The following CCKBR variants were observed in gnomAD, a reference collection of about 807,000 sequenced individuals.
The protein encoded by CCKBR is gastrin/cholecystokinin type B receptor.
Under a neutral mutation model 34.6 loss-of-function variants are expected in CCKBR, and 33 were observed. The ratio of observed to expected loss-of-function variants is 0.95; its 90% CI spans 0.72 to 1.27. CCKBR has a LOEUF of 1.27. CCKBR is among the 50% of genes most tolerant of loss of function. The pLI is 0.00. For missense variants in CCKBR, 652 were observed against 617.4 expected, an observed-to-expected ratio of 1.06 and a Z score of -0.59; for synonymous variants, 269 against 267.5, an observed-to-expected ratio of 1.01 and a Z score of -0.06.
In CCKBR at chr11:6,270,746, G is replaced by A; in HGVS notation, c.754G>A (p.Asp252Asn). 1 of 1,614,212 alleles carries A rather than the reference G, an allele frequency of 6.2e-7. No homozygotes were observed. Among genetic ancestry groups the A allele is most frequent in the Non-Finnish European group, 8.5e-7 (1 of 1,180,046 alleles). The change falls in exon 4 of 5, where the codon GAC becomes AAC. Residue 252 changes from aspartate (D) to asparagine (N), a missense_variant. Transcript: ENST00000334619. ...CGAGCTCTACTTAGGGCTTCGCTTT[G>A]ACGGCGACAGTGACAGCGACAGCCA... ...SRELYLGLRF[D>N]GDSDSDSQSR...
chr11:6,264,656 C>T (rs1848184431), intron 1 of CCKBR: 1 of 632,760 alleles, frequency 1.6e-6, no homozygotes, highest in South Asian at 1.8e-5. Flanking sequence ...ATCCTTCTAC[C>T]CATGCCTGTT....
At chr11:6,263,796 A>C (rs1015865493) in intron 1 of CCKBR, among the ~76,000 whole-genome samples, 1 of 152,184 alleles carries the variant, frequency 6.6e-6, no homozygotes, top group African/African-American at 2.4e-5. Flanking sequence ...AATTTAGTTA[A>C]CATGTTAACA....
At position 6,269,718 on chromosome 11, in the gene CCKBR, G is replaced by T; in HGVS notation, c.201G>T (p.Met67Ile). The change falls in exon 2 of 5, where the codon ATG (methionine) becomes ATT (isoleucine). Residue 67 changes from methionine (M) to isoleucine (I), a missense_variant. Transcript: ENST00000334619. Reference protein sequence around the residue: ...RITLYAVIFLMSVGGNMLIIV... With the variant: ...RITLYAVIFLISVGGNMLIIV... Reference sequence around the variant, plus strand: ...CTCTTTACGCAGTGATCTTCCTGATGAGCGTTGGAGGAAATATGCTCATCA... The same window carrying T: ...CTCTTTACGCAGTGATCTTCCTGATTAGCGTTGGAGGAAATATGCTCATCA... The T allele has an allele frequency of 6.2e-7, 1 of 1,614,096 alleles. No homozygotes were observed. The highest frequency in any genetic ancestry group is 1.1e-5 in the South Asian group (1 of 91,076).
At chr11:6,261,434 CAAAA>C (rs71056733) in intron 1 of CCKBR, among the ~76,000 whole-genome samples, 8 of 14,452 alleles carry the variant, frequency 5.5e-4, no homozygotes, top group South Asian at 3.9e-3. Flanking sequence ...TTCCTGTTGG[CAAAA>C]AAAAAAAAAA....
In CCKBR at chr11:6,270,335, C is replaced by T; in HGVS notation, c.651C>T (p.Thr217=). ...HRWPSARVRQ[T]WSVLLLLLLF... is the part of the protein sequence containing the mutation. ...GGCCCAGTGCGCGGGTCCGCCAGAC[C>T]TGGTGAGCTTGCCCATAAACTATCC... Residue 217 remains threonine, a splice_region_variant and synonymous_variant, in exon 3 of 5, where the codon ACC becomes ACT. Coordinates refer to ENST00000334619, the MANE Select transcript of CCKBR (RefSeq NM_176875.4). 6.2e-7 allele frequency: 1 copy of T among 1,610,368 alleles called. No homozygotes were observed. Among genetic ancestry groups the T allele is most frequent in the Non-Finnish European group, 8.5e-7 (1 of 1,178,092 alleles).
At chr11:6,270,456 G>T (rs1198320004) in intron 3 of CCKBR, 119 bp downstream of exon 3, 6 of 1,431,198 alleles carry the variant, frequency 4.2e-6, no homozygotes, top group African/African-American at 2.8e-5. Flanking sequence ...CTCCTATTCT[G>T]CATCCACCAC....
In CCKBR at chr11:6,260,070, G is replaced by A. The variant is rs150275352; in HGVS notation, c.142G>A (p.Gly48Arg). The A allele has an allele frequency of 3.0e-5, 48 of 1,592,578 alleles. No individual in the cohort carries two copies. The highest frequency in any genetic ancestry group is 3.7e-5 in the Non-Finnish European group (43 of 1,172,820). Residue 48 changes from glycine (G) to arginine (R), a missense_variant, in exon 1 of 5, where the codon GGG becomes AGG. Transcript: ENST00000334619. ...CGAGCCCCCTCGCATTCGCGGAGCC[G>A]GGACACGAGGTGGGTGCCTCCCTCA... Reference protein sequence around the residue: ...SCEPPRIRGAGTRELELAIRI... With the variant: ...SCEPPRIRGARTRELELAIRI...
chr11:6,271,360 C>G lies in CCKBR; in HGVS notation c.1161C>G (p.Pro387=). The stretch of plus-strand genomic sequence containing the variant: ...GCTACGCCTCGGCCTGTGTCAACCC[C>G]CTGGTCTACTGCTTCATGCACCGTC... ...LLSYASACVN[P]LVYCFMHRRF... is the part of the protein sequence containing the mutation. The change falls in exon 5 of 5, where the codon CCC becomes CCG. Residue 387 remains proline, a synonymous_variant. Coordinates refer to ENST00000334619, the MANE Select transcript of CCKBR (RefSeq NM_176875.4). The G allele has an allele frequency of 6.2e-7, 1 of 1,614,222 alleles. No homozygotes were observed. The highest frequency in any genetic ancestry group is 8.5e-7 in the Non-Finnish European group (1 of 1,180,038).
intron 1 of CCKBR, among the ~76,000 whole-genome samples, chr11:6,266,246 C>T (rs1848207395): frequency 6.6e-6 from 1 of 152,186 alleles, no homozygotes; most frequent in South Asian, 2.1e-4. Context: ...AATCCCAGCA[C>T]TTTGGGAGGC....
chr11:6,267,045 C>A (rs913456987), intron 1 of CCKBR, among the ~76,000 whole-genome samples: 2 of 152,292 alleles, frequency 1.3e-5, no homozygotes, highest in Non-Finnish European at 2.9e-5. Flanking sequence ...CTGTATAGGG[C>A]ACGTACCGTT....
intron 1 of CCKBR, among the ~76,000 whole-genome samples, chr11:6,263,647 T>C (rs1292716370): frequency 6.6e-6 from 1 of 152,160 alleles, no homozygotes; most frequent in Non-Finnish European, 1.5e-5. Context: ...ATTTTTTGTA[T>C]TTTTTGTAGA....
At chr11:6,263,717 C>G (rs1028036931) in intron 1 of CCKBR, among the ~76,000 whole-genome samples, 2 of 152,102 alleles carry the variant, frequency 1.3e-5, no homozygotes, top group African/African-American at 4.8e-5. Flanking sequence ...AGAGATCTGC[C>G]CACCTCAGCC....
In CCKBR at chr11:6,259,860, T is replaced by G; in HGVS notation, c.-69T>G. On this transcript the variant is annotated 5_prime_UTR_variant, in exon 1 of 5. Coordinates refer to ENST00000334619, the MANE Select transcript of CCKBR (RefSeq NM_176875.4). The stretch of plus-strand genomic sequence containing the variant: ...GGGAGCCTGAGCCGGAATCGCAGCG[T>G]GAGCAGGTGGAGCCGCGTTGGGAGC... 5.5e-6 allele frequency: 7 copies of G among 1,281,952 alleles called. No homozygotes were observed. Among genetic ancestry groups the G allele is most frequent in the African/African-American group, 1.6e-5 (1 of 63,288 alleles). 79.4% of individuals were successfully genotyped at this position (1,281,952 alleles called of 1,614,324 possible).
chr11:6,265,436 CT>C (rs1359512446), intron 1 of CCKBR, among the ~76,000 whole-genome samples: 1 of 152,188 alleles, frequency 6.6e-6, no homozygotes. Flanking sequence ...GCTTTTCATG[CT>C]TCACAGTACT....
intron 1 of CCKBR, among the ~76,000 whole-genome samples, chr11:6,266,346 G>A (rs900012946): frequency 1.4e-4 from 21 of 152,104 alleles, no homozygotes; most frequent in African/African-American, 2.2e-4. Flanking sequence ...AAAATTAGCC[G>A]GGCGTGGTGG....
Position 6,270,231 on chromosome 11 carries a change from G to A in CCKBR, c.547G>A (p.Gly183Arg). The change falls in exon 3 of 5, where the codon GGA (glycine) becomes AGA (arginine). Residue 183 changes from glycine (G) to arginine (R), a missense_variant. Gly to Arg is a moderately radical substitution (Grantham distance 125). Coordinates refer to ENST00000334619, the MANE Select transcript of CCKBR (RefSeq NM_176875.4). ...RVIVATWLLS[G>R]LLMVPYPVYT... ...GATTGTAGCCACGTGGCTGCTGTCC[G>A]GACTACTCATGGTGCCCTACCCCGT... 6.2e-7 allele frequency: 1 copy of A among 1,613,104 alleles called. No homozygotes were observed. The highest frequency in any genetic ancestry group is 8.5e-7 in the Non-Finnish European group (1 of 1,180,030).
At position 6,270,245 on chromosome 11, in the gene CCKBR, G is replaced by T; in HGVS notation, c.561G>T (p.Val187=). Residue 187 remains valine, a synonymous_variant, in exon 3 of 5, where the codon GTG becomes GTT. Transcript: ENST00000334619. ...ATWLLSGLLM[V]PYPVYTVVQP... ...GGCTGCTGTCCGGACTACTCATGGT[G>T]CCCTACCCCGTGTACACTGTCGTGC... is the stretch of plus-strand genomic sequence containing the variant. 6.2e-7 allele frequency: 1 copy of T among 1,613,128 alleles called. No homozygotes were observed. Among genetic ancestry groups the T allele is most frequent in the South Asian group, 1.1e-5 (1 of 91,086 alleles).
chr11:6,265,176 C>T (rs1439686390), intron 1 of CCKBR, among the ~76,000 whole-genome samples: 1 of 152,144 alleles, frequency 6.6e-6, no homozygotes, highest in Non-Finnish European at 1.5e-5. Context: ...AACTGTTCAA[C>T]AGCAAAGACG....
At position 6,264,325 on chromosome 11, in the gene CCKBR, G is replaced by T. The variant is rs182194502; in HGVS notation, c.151+4246G>T. On this transcript the variant is annotated intron_variant, in intron 1 of 4. Transcript: ENST00000334619. ...ATTACTTTGATGTCTGTGTGCATGG[G>T]TGAACAGATCAAACCTGCCAGTAGA... 1.2e-3 allele frequency: 648 copies of T among 559,086 alleles called. 4 individuals are homozygous for T. The highest frequency in any genetic ancestry group is 8.8e-3 in the African/African-American group (460 of 52,446). 34.6% of individuals were successfully genotyped at this position (559,086 alleles called of 1,614,324 possible).
Sources: gnomAD v4.1 joint callset for allele counts (sites outside exome capture counted in the v4.1 genomes callset) on GRCh38, gnomAD v4.1.1 for gene constraint, MANE v1.5 for transcripts, NCBI Gene and HGNC (gene_info 2026-07-23, HGNC 2026-07-21) for gene names.